GALNTL6: variants seen among roughly 807,000 people sequenced by gnomAD.
GALNTL6 encodes polypeptide N-acetylgalactosaminyltransferase-like 6.
In GALNTL6, 46 loss-of-function variants were observed where a neutral mutation model predicts 73.7. That is an observed-to-expected ratio of 0.62 (90% CI 0.49 to 0.80). The LOEUF (loss-of-function observed/expected upper bound fraction) is 0.80, where lower values mean the gene tolerates loss of function less well. Ranked by LOEUF, GALNTL6 falls within the 30% of genes least tolerant of loss-of-function variation. GALNTL6 has a pLI of 0.00. For missense variants in GALNTL6, 604 were observed against 755.0 expected (o/e 0.80, Z 2.34); for synonymous variants, 259 against 263.7 (o/e 0.98, Z 0.17).
In GALNTL6 at chr4:172,799,991, T is replaced by C. The variant is rs552980374; in HGVS notation, c.554-9370T>C. Among the ~76,000 whole-genome samples, 12 of 152,260 alleles carry C rather than the reference T, an allele frequency of 7.9e-5. No homozygotes were observed. The East Asian group carries it at 2.3e-3, about 29-fold the overall frequency. On this transcript the variant is annotated intron_variant, in intron 5 of 12. Transcript: ENST00000506823. ...CAACATGGATGAACCTTGAGGACAT[T>C]GCACTGAGACAAGTAGGCCAGTCAC...
Position 171,960,026 on chromosome 4 carries a change from T to A in GALNTL6, c.138+145308T>A, listed in dbSNP as rs138323929. 2.6e-5 allele frequency among the ~76,000 whole-genome samples: 4 copies of A among 152,224 alleles called. No individual in the cohort carries two copies. The South Asian group carries it at 8.3e-4, about 32-fold the overall frequency. ...ATTTAGTTGTCTAATCACTTCTTAC[T>A]CTACTCATTATAGGTTTAACTAAAA... On this transcript the variant is annotated intron_variant, in intron 2 of 12. Transcript: ENST00000506823.
chr4:172,538,360 T>A (rs1402869892), intron 5 of GALNTL6, among the ~76,000 whole-genome samples: 1 of 152,102 alleles, frequency 6.6e-6, no homozygotes, highest in Admixed American at 6.6e-5. Context: ...CTAGGGAGGC[T>A]GAGGCAGGAG....
chr4:172,150,412 A>G (rs1734048113), intron 2 of GALNTL6, among the ~76,000 whole-genome samples: 1 of 152,224 alleles, frequency 6.6e-6, no homozygotes. Context: ...TTAGAAACAA[A>G]TTCTAATAAA....
At chr4:171,900,373 G>A (rs993379460) in intron 2 of GALNTL6, among the ~76,000 whole-genome samples, 5 of 151,908 alleles carry the variant, frequency 3.3e-5, no homozygotes, top group African/African-American at 1.2e-4. Flanking sequence ...AGTGGTGTGA[G>A]CTCGGCTCAC....
chr4:171,989,660 C>A (rs892469305), intron 2 of GALNTL6, among the ~76,000 whole-genome samples: 4 of 151,964 alleles, frequency 2.6e-5, no homozygotes, highest in African/African-American at 9.7e-5. Flanking sequence ...CTTATTACTG[C>A]ACATCTTGAA....
chr4:172,049,538 TCATAGAATTGCA>T (rs1224927749), intron 2 of GALNTL6, among the ~76,000 whole-genome samples: 20 of 152,200 alleles, frequency 1.3e-4, no homozygotes, highest in Non-Finnish European at 1.8e-4. Context: ...AGCCATATAA[TCATAGAATTGCA>T]CATAGAAGTT....
At chr4:172,463,465 AG>A (rs1579095135) in intron 5 of GALNTL6, among the ~76,000 whole-genome samples, 1 of 152,302 alleles carries the variant, frequency 6.6e-6, no homozygotes. Context: ...AAATACGCTT[AG>A]AATACAAGCA....
chr4:172,951,742 G>A (rs1749453506), intron 9 of GALNTL6, among the ~76,000 whole-genome samples: 1 of 152,200 alleles, frequency 6.6e-6, no homozygotes, highest in Non-Finnish European at 1.5e-5. Context: ...TGAAATAACA[G>A]AGGGAATGAG....
intron 2 of GALNTL6, among the ~76,000 whole-genome samples, chr4:171,958,945 TTTA>T (rs1212316478): frequency 2.6e-5 from 4 of 152,138 alleles, no homozygotes; most frequent in African/African-American, 7.2e-5. Context: ...ATATTTTTTC[TTTA>T]TTAGAGAAAC....
chr4:172,701,234 G>T (rs1734010589), intron 5 of GALNTL6, among the ~76,000 whole-genome samples: 1 of 152,062 alleles, frequency 6.6e-6, no homozygotes. Flanking sequence ...ACATAGTTCG[G>T]TGAGCCTAGA....
intron 4 of GALNTL6, among the ~76,000 whole-genome samples, chr4:172,325,494 C>A (rs1233837233): frequency 6.6e-6 from 1 of 151,880 alleles, no homozygotes; most frequent in Non-Finnish European, 1.5e-5. Flanking sequence ...AAGGAAAAGA[C>A]ATGAGAATTC....
At chr4:172,764,146 TG>T (rs11381757) in intron 5 of GALNTL6, among the ~76,000 whole-genome samples, 6 of 152,192 alleles carry the variant, frequency 3.9e-5, no homozygotes, top group Non-Finnish European at 7.4e-5. Context: ...TTAGTAGAGA[TG>T]GGGTTTCTCG....
chr4:172,963,817 A>G (rs1429860710), intron 10 of GALNTL6, among the ~76,000 whole-genome samples: 3 of 152,266 alleles, frequency 2.0e-5, no homozygotes, highest in African/African-American at 7.2e-5. Flanking sequence ...AACAAGTTAC[A>G]AAATATTCCG....
intron 3 of GALNTL6, among the ~76,000 whole-genome samples, chr4:172,262,598 T>C (rs570599654): frequency 1.4e-4 from 21 of 151,670 alleles, no homozygotes; most frequent in Non-Finnish European, 2.7e-4. Flanking sequence ...ATCTTTTAAA[T>C]GGAGCATTTA....
rs576114463 is a variant in GALNTL6, at chr4:172,733,005, A to G, written c.554-76356A>G. 1.2e-4 allele frequency among the ~76,000 whole-genome samples: 19 copies of G among 152,326 alleles called. No homozygotes were observed. The East Asian group carries it at 3.3e-3, about 26-fold the overall frequency. ...TAGGTGGATGGCACACCACAAATGC[A>G]TACTCTGAGTTTGAATACTCTGAGT... On this transcript the variant is annotated intron_variant, in intron 5 of 12. Coordinates refer to ENST00000506823, the MANE Select transcript of GALNTL6 (RefSeq NM_001034845.3).
chr4:172,544,551 A>G (rs1735682066), intron 5 of GALNTL6, among the ~76,000 whole-genome samples: 1 of 152,218 alleles, frequency 6.6e-6, no homozygotes, highest in South Asian at 2.1e-4. Context: ...AGCAGTTTAC[A>G]TTCCTTCCTT....
At chr4:172,885,020 C>T (rs1006089219) in intron 8 of GALNTL6, among the ~76,000 whole-genome samples, 3 of 152,118 alleles carry the variant, frequency 2.0e-5, no homozygotes, top group Non-Finnish European at 4.4e-5. Flanking sequence ...ATTTTGATTA[C>T]AATAGCTTTG....
intron 2 of GALNTL6, among the ~76,000 whole-genome samples, chr4:172,069,605 T>TTC (rs1731490382): frequency 7.5e-5 from 1 of 13,394 alleles, no homozygotes; most frequent in Non-Finnish European, 3.1e-4. Flanking sequence ...CACATATATG[T>TTC]TATATATATA....
intron 2 of GALNTL6, among the ~76,000 whole-genome samples, chr4:172,082,223 T>C (rs1193605245): frequency 6.6e-6 from 1 of 152,080 alleles, no homozygotes; most frequent in Non-Finnish European, 1.5e-5. Context: ...ATATTAGCTA[T>C]GGGGAAGGAA....
Sources: gnomAD v4.1 joint callset for allele counts (sites outside exome capture counted in the v4.1 genomes callset) on GRCh38, gnomAD v4.1.1 for gene constraint, MANE v1.5 for transcripts, NCBI Gene and HGNC (gene_info 2026-07-23, HGNC 2026-07-21) for gene names.